Variants in POMP observed in about 807,000 individuals in gnomAD.
POMP encodes proteasome maturation protein, also known as 2510048O06Rik.
A neutral mutation model predicts 20.6 loss-of-function variants in POMP; 12 were observed. The ratio of observed to expected loss-of-function variants is 0.58; its 90% CI spans 0.37 to 0.94. The LOEUF is 0.94. Ranked by LOEUF, POMP falls within the 40% of genes least tolerant of loss-of-function variation. The probability of loss-of-function intolerance (pLI) is 0.01; values close to 1 mark genes in which losing one functional copy is unlikely to be tolerated. For missense variants in POMP, 136 were observed against 161.1 expected (o/e 0.84, Z 0.84); for synonymous variants, 53 against 55.0 (o/e 0.96, Z 0.16).
chr13:28,660,592 T>C (rs1884320350), intron 1 of POMP, among the ~76,000 whole-genome samples: 1 of 152,220 alleles, frequency 6.6e-6, no homozygotes, highest in Non-Finnish European at 1.5e-5. Context: ...TTTGTAGTCC[T>C]GGTAGGAGTT....
chr13:28,664,249 G>A (rs941314574), intron 2 of POMP, among the ~76,000 whole-genome samples: 1 of 152,168 alleles, frequency 6.6e-6, no homozygotes, highest in African/African-American at 2.4e-5. Context: ...CCTAGTGATT[G>A]AAGTCTTGAC....
chr13:28,659,266 A>G (rs1884289526), intron 1 of POMP, 79 bp downstream of exon 1: 2 of 1,540,978 alleles, frequency 1.3e-6, no homozygotes, highest in African/African-American at 1.4e-5. Context: ...TCGCCTCCCA[A>G]CCCGTCCCCG....
intron 5 of POMP, among the ~76,000 whole-genome samples, chr13:28,676,058 G>T (rs1053603136): frequency 6.6e-6 from 1 of 152,004 alleles, no homozygotes; most frequent in Non-Finnish European, 1.5e-5. Context: ...AGGCTGGAGT[G>T]CAGTGGCGCG....
chr13:28,666,262 C>G (rs1884443226), intron 3 of POMP, among the ~76,000 whole-genome samples: 1 of 152,116 alleles, frequency 6.6e-6, no homozygotes, highest in South Asian at 2.1e-4. Context: ...TGTATACTCA[C>G]TATAAGCCAG....
chr13:28,662,976 G>C (rs1425532356), intron 2 of POMP, among the ~76,000 whole-genome samples: 1 of 152,164 alleles, frequency 6.6e-6, no homozygotes, highest in Non-Finnish European at 1.5e-5. Flanking sequence ...CTTATGGATA[G>C]AATAGGCCTA....
At chr13:28,674,438 C>A (rs1047590546) in intron 5 of POMP, among the ~76,000 whole-genome samples, 1 of 152,188 alleles carries the variant, frequency 6.6e-6, no homozygotes, top group African/African-American at 2.4e-5. Context: ...GAGGCTGAAA[C>A]GGCTTTGGAA....
chr13:28,676,787 G>A (rs141331540), intron 5 of POMP, among the ~76,000 whole-genome samples: 225 of 152,250 alleles, frequency 1.5e-3, no homozygotes, highest in African/African-American at 4.7e-3. Context: ...CTTAATGCTG[G>A]AAGGGGACTT....
chr13:28,668,405 T>G, intron 3 of POMP, 68 bp from the exon 4 acceptor site: 4 of 1,049,318 alleles, frequency 3.8e-6, no homozygotes, highest in Non-Finnish European at 5.9e-6. Flanking sequence ...GTTATATATA[T>G]GCCACTGCTA....
At position 28,678,379 on chromosome 13, in the gene POMP, G is replaced by C. The variant is rs559115629; in HGVS notation, c.*277G>C. Reference sequence around the variant, plus strand: ...CATGAATATTATAAAATGATCTACAGGTTTCAATTCAACCTGTTTCTAGGT... The same window carrying C: ...CATGAATATTATAAAATGATCTACACGTTTCAATTCAACCTGTTTCTAGGT... On this transcript the variant is annotated 3_prime_UTR_variant, in exon 6 of 6. Coordinates refer to ENST00000380842, the MANE Select transcript of POMP (RefSeq NM_015932.6). 69 of 367,802 alleles carry C rather than the reference G, an allele frequency of 1.9e-4. No individual in the cohort carries two copies. The South Asian group carries it at 2.3e-3, about 12-fold the overall frequency. 22.8% of individuals were successfully genotyped at this position (367,802 alleles called of 1,614,324 possible).
chr13:28,659,626 A>G (rs1884299088), intron 1 of POMP, among the ~76,000 whole-genome samples: 1 of 152,128 alleles, frequency 6.6e-6, no homozygotes. Context: ...GTAACTGCCT[A>G]GTAAACAGCC....
chr13:28,671,449 C>CTT (rs58068200), intron 4 of POMP, among the ~76,000 whole-genome samples: 4 of 144,784 alleles, frequency 2.8e-5, no homozygotes, highest in African/African-American at 7.6e-5. Flanking sequence ...AATTCTCTGT[C>CTT]TTTTTTTTTT....
intron 5 of POMP, among the ~76,000 whole-genome samples, chr13:28,675,989 A>G (rs1884621216): frequency 6.6e-6 from 1 of 152,132 alleles, no homozygotes; most frequent in Non-Finnish European, 1.5e-5. Flanking sequence ...ACCTCCCTAC[A>G]GGGCCACCTT....
At chr13:28,671,449 CTTTTTTT>C (rs58068200) in intron 4 of POMP, among the ~76,000 whole-genome samples, 1 of 144,792 alleles carries the variant, frequency 6.9e-6, no homozygotes, top group Non-Finnish European at 1.5e-5. Flanking sequence ...AATTCTCTGT[CTTTTTTT>C]TTTTTTTCTT....
chr13:28,670,687 G>A (rs779716100), intron 4 of POMP, among the ~76,000 whole-genome samples: 24 of 152,160 alleles, frequency 1.6e-4, no homozygotes, highest in African/African-American at 5.3e-4. Flanking sequence ...ACTGTTAGGC[G>A]TTTGCACACA....
At chr13:28,670,837 A>C (rs2035120886) in intron 4 of POMP, among the ~76,000 whole-genome samples, 1 of 152,124 alleles carries the variant, frequency 6.6e-6, no homozygotes, top group Non-Finnish European at 1.5e-5. Flanking sequence ...ACCTGAGGTC[A>C]GGAGTTCGAG....
In POMP at chr13:28,667,735, A is replaced by G. The variant is rs962091011; in HGVS notation, c.163-738A>G. On this transcript the variant is annotated intron_variant, in intron 3 of 5. Coordinates refer to ENST00000380842, the MANE Select transcript of POMP (RefSeq NM_015932.6). Reference sequence around the variant, plus strand: ...CCTCATTATAATCACCTTAGCTCAGACAAATCTTTGTAACAGTCTGTTTGC... The same window carrying G: ...CCTCATTATAATCACCTTAGCTCAGGCAAATCTTTGTAACAGTCTGTTTGC... 2.6e-5 allele frequency among the ~76,000 whole-genome samples: 4 copies of G among 152,332 alleles called. No homozygotes were observed. The East Asian group carries it at 5.8e-4, about 22-fold the overall frequency.
intron 5 of POMP, among the ~76,000 whole-genome samples, chr13:28,677,200 CT>C (rs10718165): frequency 0.072 from 10,397 of 144,186 alleles, 1,054 homozygotes; most frequent in African/African-American, 0.23. Context: ...AAAATATTGC[CT>C]TTTTTTTTTT....
chr13:28,668,174 C>G (rs1884479810), intron 3 of POMP, among the ~76,000 whole-genome samples: 1 of 151,012 alleles, frequency 6.6e-6, no homozygotes, highest in Non-Finnish European at 1.5e-5. Context: ...ATCAAAAGCG[C>G]TAAAATATGA....
chr13:28,664,762 C>G (rs1884412474), intron 3 of POMP, among the ~76,000 whole-genome samples, 193 bp downstream of exon 3: 1 of 152,122 alleles, frequency 6.6e-6, no homozygotes, highest in South Asian at 2.1e-4. Context: ...TCTATGCGTT[C>G]TTACCTGCCT....
Sources: allele counts gnomAD v4.1 joint callset (sites outside exome capture counted in the v4.1 genomes callset), GRCh38; gene constraint gnomAD v4.1.1; transcripts MANE v1.5; gene names NCBI Gene and HGNC (gene_info 2026-07-23, HGNC 2026-07-21).